The following HECTD4 variants were observed in gnomAD, a reference collection of about 807,000 sequenced individuals.
HECTD4 encodes probable E3 ubiquitin-protein ligase HECTD4.
In HECTD4, 114 loss-of-function variants were observed where a neutral mutation model predicts 471.5. The ratio of observed to expected loss-of-function variants is 0.24; its 90% CI spans 0.21 to 0.28. The LOEUF is 0.28. Ranked by LOEUF, HECTD4 falls within the 10% of genes least tolerant of loss-of-function variation. The probability of loss-of-function intolerance (pLI) is 1.00; values close to 1 mark genes in which losing one functional copy is unlikely to be tolerated. For missense variants in HECTD4, 3,866 were observed against 5,651.5 expected, an observed-to-expected ratio of 0.68 and a Z score of 10.13; for synonymous variants, 2,012 against 2,256.0, an observed-to-expected ratio of 0.89 and a Z score of 3.07.
rs571070868 is a variant in HECTD4, at chr12:112,325,813, G to A, written c.178-6071C>T. On this transcript the variant is annotated intron_variant, in intron 1 of 75. Transcript: ENST00000682272. ...CACATAACATATGTGTTTTGTTGCC[G>A]TTTTTTTTTTTTTCTTTTGAGACAG... is the stretch of plus-strand genomic sequence containing the variant. Among the ~76,000 whole-genome samples, 11 of 143,154 alleles carry A rather than the reference G, an allele frequency of 7.7e-5. No homozygotes were observed. In the South Asian group the frequency reaches 2.2e-3, roughly 29 times the overall value. The allele number at this position is 143,154 out of a possible 152,430, so 93.9% of individuals were successfully genotyped here.
chr12:112,168,039 G>A (rs1033507934), intron 70 of HECTD4, 122 bp from the exon 71 acceptor site: 16 of 804,784 alleles, frequency 2.0e-5, no homozygotes, highest in East Asian at 5.3e-5. Context: ...CCGCTGTGGC[G>A]GGGTAGAAAG....
At chr12:112,306,985 C>A (rs2035282706) in intron 6 of HECTD4, among the ~76,000 whole-genome samples, 1 of 152,018 alleles carries the variant, frequency 6.6e-6, no homozygotes. Context: ...AAATGTGTAG[C>A]TACATACTAA....
intron 39 of HECTD4, 118 bp downstream of exon 39, chr12:112,231,395 T>C (rs576121797): frequency 2.2e-6 from 2 of 902,472 alleles, no homozygotes; most frequent in Admixed American, 2.0e-5. Flanking sequence ...CTACAGCAGA[T>C]GGCGGCCTCA....
At chr12:112,284,915 C>A (rs1025360414) in intron 7 of HECTD4, among the ~76,000 whole-genome samples, 2 of 152,086 alleles carry the variant, frequency 1.3e-5, no homozygotes, top group Non-Finnish European at 2.9e-5. Context: ...ACTGAACCCT[C>A]AATCTCCCCA....
intron 24 of HECTD4, 41 bp downstream of exon 24, chr12:112,250,930 C>T (rs757368817): frequency 6.5e-7 from 1 of 1,549,412 alleles, no homozygotes; most frequent in South Asian, 1.2e-5. Flanking sequence ...GTCCTTTTTC[C>T]TTTGCAGGCA....
At chr12:112,231,248 T>C (rs917979269) in intron 39 of HECTD4, 7 of 521,746 alleles carry the variant, frequency 1.3e-5, no homozygotes, top group East Asian at 3.4e-5. Flanking sequence ...AGTTTATTAA[T>C]ACTACTCAAA....
intron 3 of HECTD4, 62 bp from the exon 4 acceptor site, chr12:112,313,209 A>G (rs960208610): frequency 2.1e-6 from 3 of 1,413,396 alleles, no homozygotes; most frequent in Non-Finnish European, 2.8e-6. Flanking sequence ...CAAGAAGTAT[A>G]CCTGCTACCC....
chr12:112,288,540 T>C (rs1328572127), intron 7 of HECTD4, among the ~76,000 whole-genome samples: 2 of 152,096 alleles, frequency 1.3e-5, no homozygotes, highest in African/African-American at 4.8e-5. Context: ...GAGGAATGCT[T>C]GAGCCCAGAG....
At chr12:112,360,600 G>C (rs1022471485) in intron 1 of HECTD4, among the ~76,000 whole-genome samples, 1 of 152,120 alleles carries the variant, frequency 6.6e-6, no homozygotes, top group African/African-American at 2.4e-5. Flanking sequence ...ATGCACTTTT[G>C]CAAAAATGTT....
rs1337660107 is a variant in HECTD4 at position 112,210,144 on chromosome 12, C to T, written c.7738G>A (p.Ala2580Thr). 5.0e-6 allele frequency: 8 copies of T among 1,614,008 alleles called. No homozygotes were observed. The highest frequency in any genetic ancestry group is 1.7e-5 in the Admixed American group (1 of 60,026). The change falls in exon 50 of 76, where the codon GCT becomes ACT. Residue 2580 changes from alanine to threonine, a missense_variant. Physicochemically the swap from Ala to Thr is moderately conservative, Grantham distance 58. Coordinates refer to ENST00000682272, the MANE Select transcript of HECTD4 (RefSeq NM_001388303.1). ...GCGAAAGGCAGGGCCTCAAAGTTAG[C>T]GCTGATCTCTTCTGCTAGGTCAGTG... ...LCTDLAEEIS[A>T]NFEALPFAMA...
chr12:112,268,060 C>T (rs377156125), intron 13 of HECTD4, among the ~76,000 whole-genome samples: 31 of 152,170 alleles, frequency 2.0e-4, no homozygotes, highest in Admixed American at 1.4e-3. Context: ...TTGGCCTCGG[C>T]GATCCACCTG....
At chr12:112,203,505 C>G in intron 54 of HECTD4, 131 bp downstream of exon 54, 1 of 736,768 alleles carries the variant, frequency 1.4e-6, no homozygotes, top group Admixed American at 3.3e-5. Context: ...AGCATTTTTG[C>G]TTTGTGTCTT....
At chr12:112,269,207 C>T (rs1476121498) in intron 13 of HECTD4, among the ~76,000 whole-genome samples, 8 of 152,138 alleles carry the variant, frequency 5.3e-5, no homozygotes, top group African/African-American at 1.7e-4. Flanking sequence ...TAAAGGCTTG[C>T]ATTGTTGAGC....
intron 1 of HECTD4, among the ~76,000 whole-genome samples, chr12:112,379,258 T>C (rs1266860875): frequency 1.3e-5 from 2 of 152,238 alleles, no homozygotes; most frequent in East Asian, 1.9e-4. Flanking sequence ...AAGCTCTTCA[T>C]GTGCTCTTGA....
chr12:112,223,980 A>G (rs1315513762), intron 44 of HECTD4, among the ~76,000 whole-genome samples: 1 of 152,174 alleles, frequency 6.6e-6, no homozygotes, highest in Admixed American at 6.5e-5. Flanking sequence ...ACATTTTCAT[A>G]TATAAAGTAA....
At chr12:112,250,109 C>A in intron 25 of HECTD4, 35 bp downstream of exon 25, 3 of 1,490,736 alleles carry the variant, frequency 2.0e-6, no homozygotes, top group South Asian at 2.3e-5. Context: ...TTTTTTTTCC[C>A]ATTGGGAAAA....
In HECTD4 at chr12:112,188,272, G is replaced by C. The variant is rs1426992560; in HGVS notation, c.9472+2514C>G. 1.3e-5 allele frequency among the ~76,000 whole-genome samples: 2 copies of C among 152,192 alleles called. No homozygotes were observed. Among genetic ancestry groups the C allele is most frequent in the Admixed American group, 6.5e-5 (1 of 15,282 alleles). ...CCACTGCGCTCCAGCCTGGGTGACA[G>C]AGTGAGACTACATTTCAAAAAAATA... On this transcript the variant is annotated intron_variant, in intron 60 of 75. Coordinates refer to ENST00000682272, the MANE Select transcript of HECTD4 (RefSeq NM_001388303.1). This position sits in a 1 kb window ranked among gnomAD's most constrained non-coding sequence, Gnocchi z 4.2.
At chr12:112,220,514 A>C (rs2033056852) in intron 44 of HECTD4, among the ~76,000 whole-genome samples, 1 of 152,050 alleles carries the variant, frequency 6.6e-6, no homozygotes, top group African/African-American at 2.4e-5. Flanking sequence ...GATCTTAAGA[A>C]AGCCAGGTGC....
intron 1 of HECTD4, among the ~76,000 whole-genome samples, chr12:112,354,166 A>G (rs1291207327): frequency 6.6e-6 from 1 of 152,044 alleles, no homozygotes; most frequent in Non-Finnish European, 1.5e-5. Flanking sequence ...ACGACCTACC[A>G]GGCTCAAGCA....
Sources: gnomAD v4.1 joint callset for allele counts (sites outside exome capture counted in the v4.1 genomes callset) on GRCh38, gnomAD v4.1.1 for gene constraint, Gnocchi (gnomAD v3.1) non-coding constraint, MANE v1.5 for transcripts, NCBI Gene and HGNC (gene_info 2026-07-23, HGNC 2026-07-21) for gene names.